Variants in LINGO2 observed in about 807,000 individuals in gnomAD.
The protein encoded by LINGO2 is leucine-rich repeat and immunoglobulin-like domain-containing nogo receptor-interacting protein 2.
LINGO2 carries 14 observed loss-of-function variants against 30.6 expected under a neutral mutation model. The ratio of observed to expected loss-of-function variants is 0.46; its 90% CI spans 0.30 to 0.72. LINGO2 has a LOEUF of 0.72. LINGO2 is among the 30% of genes least tolerant of loss of function. The probability of loss-of-function intolerance (pLI) is 0.07; values close to 1 mark genes in which losing one functional copy is unlikely to be tolerated. For missense variants in LINGO2, 729 were observed against 751.7 expected (o/e 0.97, Z 0.35); for synonymous variants, 317 against 288.5 (o/e 1.10, Z -1.00).
At chr9:28,330,802 A>G (rs1265494326) in intron 3 of LINGO2, among the ~76,000 whole-genome samples, 1 of 152,128 alleles carries the variant, frequency 6.6e-6, no homozygotes, top group Admixed American at 6.6e-5. Flanking sequence ...CTCACCTTCC[A>G]GGACATGTGG....
the LINGO2 span, among the ~76,000 whole-genome samples, chr9:28,782,016 T>A: frequency 6.6e-6 from 1 of 152,220 alleles, no homozygotes; most frequent in African/African-American, 2.4e-5. Flanking sequence ...TTTAGTTTTT[T>A]GAATGTTGGA....
intron 2 of LINGO2, among the ~76,000 whole-genome samples, chr9:28,421,735 G>A (rs1823207683): frequency 6.6e-6 from 1 of 152,022 alleles, no homozygotes; most frequent in African/African-American, 2.4e-5. Context: ...GCGTACCACA[G>A]CTGATCAAAC....
intron 2 of LINGO2, among the ~76,000 whole-genome samples, chr9:28,424,604 A>AT (rs1823330735): frequency 1.3e-5 from 2 of 152,198 alleles, no homozygotes; most frequent in Admixed American, 1.3e-4. Context: ...TTATGGTAGC[A>AT]TTTTATGCAG....
the LINGO2 span, among the ~76,000 whole-genome samples, chr9:28,970,528 C>T: frequency 6.6e-6 from 1 of 152,074 alleles, no homozygotes; most frequent in African/African-American, 2.4e-5. Flanking sequence ...CCCTCCCCCA[C>T]CCCCCAGCAG....
chr9:28,774,759 A>T, the LINGO2 span, among the ~76,000 whole-genome samples: 1 of 152,220 alleles, frequency 6.6e-6, no homozygotes, highest in Non-Finnish European at 1.5e-5. Flanking sequence ...TATCTACATT[A>T]TAACACAAAG....
At chr9:28,696,678 T>TCA in the LINGO2 span, among the ~76,000 whole-genome samples, 212 of 151,976 alleles carry the variant, frequency 1.4e-3, no homozygotes, top group Non-Finnish European at 2.6e-3. Flanking sequence ...CCATGCATAG[T>TCA]CAGAGATGAA....
the LINGO2 span, among the ~76,000 whole-genome samples, chr9:29,092,102 T>C: frequency 6.6e-6 from 1 of 152,032 alleles, no homozygotes; most frequent in Non-Finnish European, 1.5e-5. Context: ...GCCACTTTGC[T>C]AGAATCTGTG....
intron 2 of LINGO2, among the ~76,000 whole-genome samples, chr9:28,384,410 G>C (rs987027218): frequency 1.4e-5 from 2 of 147,636 alleles, no homozygotes; most frequent in Non-Finnish European, 3.0e-5. Context: ...GTAATCATTT[G>C]GACATTTTTT....
chr9:27,994,642 C>T (rs1331485904), intron 5 of LINGO2, among the ~76,000 whole-genome samples: 1 of 152,122 alleles, frequency 6.6e-6, no homozygotes, highest in African/African-American at 2.4e-5. Flanking sequence ...TAAGGAGGGG[C>T]AAAGGGCAAT....
chr9:28,104,835 G>A (rs1024180596), intron 4 of LINGO2, among the ~76,000 whole-genome samples: 3 of 151,854 alleles, frequency 2.0e-5, no homozygotes, highest in African/African-American at 7.3e-5. Flanking sequence ...TTTTATTTTA[G>A]AAATATTTAT....
chr9:28,486,125 G>A (rs1826155275), intron 1 of LINGO2, among the ~76,000 whole-genome samples: 1 of 152,100 alleles, frequency 6.6e-6, no homozygotes, highest in Admixed American at 6.6e-5. Flanking sequence ...GATGAGGAGA[G>A]CTGAGGATAT....
In LINGO2 at chr9:28,489,522, G is replaced by T. The variant is rs114373138; in HGVS notation, c.-364-13497C>A. Among the ~76,000 whole-genome samples the T allele has an allele frequency of 7.4e-4, 112 of 152,116 alleles. 1 individual carries two copies. The highest frequency in any genetic ancestry group is 2.4e-3 in the African/African-American group (101 of 41,514). ...AAAAGGGCTTGTTCTTTGAGGATAG[G>T]CCTGAACTTTTGTTCTCTTGTCTGT... On this transcript the variant is annotated intron_variant, in intron 1 of 5. Transcript: ENST00000379992.
At chr9:28,965,644 T>C in the LINGO2 span, among the ~76,000 whole-genome samples, 1 of 152,190 alleles carries the variant, frequency 6.6e-6, no homozygotes, top group Non-Finnish European at 1.5e-5. Flanking sequence ...TACAGTTAAT[T>C]CAATCAGTTA....
At chr9:28,052,990 G>A (rs113750074) in intron 4 of LINGO2, among the ~76,000 whole-genome samples, 88 of 152,054 alleles carry the variant, frequency 5.8e-4, no homozygotes, top group Non-Finnish European at 1.1e-3. Context: ...GCTAGAAAGT[G>A]GGGATAACAA....
the LINGO2 span, among the ~76,000 whole-genome samples, chr9:29,096,852 C>G: frequency 1.4e-5 from 2 of 139,048 alleles, 1 homozygote; most frequent in African/African-American, 5.4e-5. Context: ...CAAAATGTTC[C>G]TGGAAATAAT....
At chr9:28,929,819 A>G in the LINGO2 span, among the ~76,000 whole-genome samples, 1 of 152,210 alleles carries the variant, frequency 6.6e-6, no homozygotes, top group Non-Finnish European at 1.5e-5. Flanking sequence ...ACAAATTTTA[A>G]CACCCCTGAG....
chr9:29,173,909 A>T, the LINGO2 span, among the ~76,000 whole-genome samples: 1 of 152,140 alleles, frequency 6.6e-6, no homozygotes, highest in African/African-American at 2.4e-5. Flanking sequence ...TGGCACACAG[A>T]TTAAGACTAT....
At chr9:29,055,662 C>T in the LINGO2 span, among the ~76,000 whole-genome samples, 1 of 151,990 alleles carries the variant, frequency 6.6e-6, no homozygotes, top group East Asian at 1.9e-4. Flanking sequence ...GTGCACCCAC[C>T]ACCCAAGCAG....
At chr9:28,660,997 G>A (rs947714964) in intron 1 of LINGO2, among the ~76,000 whole-genome samples, 2 of 152,076 alleles carry the variant, frequency 1.3e-5, no homozygotes, top group African/African-American at 4.8e-5. Context: ...GTAGTTAAAT[G>A]TTGTAGACTG....
Sources: allele counts gnomAD v4.1 joint callset (sites outside exome capture counted in the v4.1 genomes callset), GRCh38; gene constraint gnomAD v4.1.1; transcripts MANE v1.5; gene names NCBI Gene and HGNC (gene_info 2026-07-23, HGNC 2026-07-21).